Variants in TTLL11 observed in about 807,000 individuals in gnomAD.
TTLL11 encodes tubulin polyglutamylase TTLL11.
Under a neutral mutation model 51.7 loss-of-function variants are expected in TTLL11, and 42 were observed. The ratio of observed to expected loss-of-function variants is 0.81; its 90% CI spans 0.64 to 1.05. TTLL11 has a LOEUF of 1.05. Ranked by LOEUF, TTLL11 falls within the 50% of genes least tolerant of loss-of-function variation. The pLI, the probability that TTLL11 is intolerant of heterozygous loss-of-function variation, is 0.00. For synonymous variants in TTLL11, 381 were observed against 383.5 expected (o/e 0.99, Z 0.08); for missense variants, 799 against 940.4 (o/e 0.85, Z 1.97).
chr9:121,935,016 G>T (rs1211351757), intron 6 of TTLL11, among the ~76,000 whole-genome samples: 1 of 152,018 alleles, frequency 6.6e-6, no homozygotes, highest in Non-Finnish European at 1.5e-5. Flanking sequence ...GTGCAATGGC[G>T]CAATCTCGGC....
intron 3 of TTLL11, among the ~76,000 whole-genome samples, chr9:122,022,976 T>C (rs1264401432): frequency 2.6e-5 from 4 of 151,822 alleles, no homozygotes; most frequent in African/African-American, 9.7e-5. Context: ...ATGTATACCA[T>C]AAATTTTAAA....
At position 121,842,252 on chromosome 9, in the gene TTLL11, T is replaced by TC. The variant is rs1386099364; in HGVS notation, c.1840+18084_1840+18085insG. Among the ~76,000 whole-genome samples the TC allele has an allele frequency of 4.7e-4, 62 of 133,218 alleles. No homozygotes were observed. The South Asian group carries it at 0.015, about 32-fold the overall frequency. 87.4% of individuals were successfully genotyped at this position (133,218 alleles called of 152,430 possible). A position where few individuals can be genotyped will look rare whatever the true frequency, so the allele number is the denominator to read the frequency against. ...ATGATCTTTAGGGCTCCCTCTCCTTTTTTTTAAAAAAAAAAGACACGTGGT... is the reference window on the plus strand; with the variant it reads ...ATGATCTTTAGGGCTCCCTCTCCTTTCTTTTTAAAAAAAAAAGACACGTGGT... On this transcript the variant is annotated intron_variant, in intron 8 of 8. Transcript: ENST00000321582.
chr9:122,077,663 T>C (rs1845895752), intron 1 of TTLL11, among the ~76,000 whole-genome samples: 1 of 151,922 alleles, frequency 6.6e-6, no homozygotes, highest in South Asian at 2.1e-4. Context: ...ATATGTAAAA[T>C]ATTGGACAAA....
At chr9:121,981,832 C>T (rs1407421515) in intron 4 of TTLL11, among the ~76,000 whole-genome samples, 1 of 152,222 alleles carries the variant, frequency 6.6e-6, no homozygotes, top group African/African-American at 2.4e-5. Flanking sequence ...CCATTGCATG[C>T]TCCCAGCCAT....
At chr9:121,899,365 G>GTGTATATATATACACATA (rs1226221957) in intron 6 of TTLL11, among the ~76,000 whole-genome samples, 1 of 113,242 alleles carries the variant, frequency 8.8e-6, no homozygotes, top group South Asian at 3.4e-4. Context: ...ATGTGTGTGT[G>GTGTATATATATACACATA]TATATATATA....
chr9:121,822,889 A>G lies in TTLL11; in HGVS notation c.1841-10T>C. On this transcript the variant is annotated splice_polypyrimidine_tract_variant and intron_variant, in intron 8 of 8. Coordinates refer to ENST00000321582, the MANE Select transcript of TTLL11 (RefSeq NM_001139442.2). The surrounding 1 kb of genome is among the most constrained non-coding windows in gnomAD (Gnocchi z 5.8). ...GCCTGCAGACACATCCCTGTGAACA[A>G]AGAGACTGGATGAGGGGGTGCACAC... 1 of 1,544,612 alleles carries G rather than the reference A, an allele frequency of 6.5e-7. No homozygotes were observed. Among genetic ancestry groups the G allele is most frequent in the Non-Finnish European group, 8.7e-7 (1 of 1,143,512 alleles).
intron 1 of TTLL11, among the ~76,000 whole-genome samples, chr9:122,056,988 G>A (rs1321386239): frequency 1.3e-5 from 2 of 152,218 alleles, no homozygotes; most frequent in Non-Finnish European, 2.9e-5. Context: ...CTTCACAGAG[G>A]AATCATAGAG....
rs772653986 is a variant in TTLL11, at chr9:121,853,810, C to T, written c.1840+6527G>A. Among the ~76,000 whole-genome samples, 12 of 152,210 alleles carry T rather than the reference C, an allele frequency of 7.9e-5. No individual in the cohort carries two copies. The highest frequency in any genetic ancestry group is 1.3e-4 in the Non-Finnish European group (9 of 68,038). On this transcript the variant is annotated intron_variant, in intron 8 of 8. Coordinates refer to ENST00000321582, the MANE Select transcript of TTLL11 (RefSeq NM_001139442.2). This position sits in a 1 kb window ranked among gnomAD's most constrained non-coding sequence, Gnocchi z 5.6. The stretch of plus-strand genomic sequence containing the variant: ...CCACCAAGGGAGAGTCTGTTGCGGC[C>T]ACGTCCTGACCCTCTCATCTGGCTG...
intron 8 of TTLL11, among the ~76,000 whole-genome samples, chr9:121,842,525 C>T (rs549409117): frequency 6.6e-6 from 1 of 152,176 alleles, no homozygotes; most frequent in Non-Finnish European, 1.5e-5. Flanking sequence ...CCTGCCTTGG[C>T]CTCCCAAAGT....
intron 6 of TTLL11, among the ~76,000 whole-genome samples, chr9:121,960,752 T>G (rs1006944405): frequency 6.6e-6 from 1 of 151,926 alleles, no homozygotes. Context: ...AAGAAAATGA[T>G]CCTCTCTAAG....
At chr9:122,025,471 A>G (rs1010102418) in intron 3 of TTLL11, among the ~76,000 whole-genome samples, 4 of 152,198 alleles carry the variant, frequency 2.6e-5, no homozygotes, top group Non-Finnish European at 5.9e-5. Flanking sequence ...TGTTTTTACA[A>G]AAAATACAAA....
chr9:121,862,320 CT>C (rs761588320), intron 7 of TTLL11, among the ~76,000 whole-genome samples: 1 of 152,100 alleles, frequency 6.6e-6, no homozygotes, highest in African/African-American at 2.4e-5. Context: ...TTACTTAAAC[CT>C]TCTGTGCTTT....
rs903469993 is a variant in TTLL11, at chr9:121,853,165, G to C, written c.1840+7172C>G. ...TGAGGCTCAGACACCCATGGGATTG[G>C]TGGGTTGCCGCGGCTGAGCCCTGGT... On this transcript the variant is annotated intron_variant, in intron 8 of 8. Coordinates refer to ENST00000321582, the MANE Select transcript of TTLL11 (RefSeq NM_001139442.2). This position sits in a 1 kb window ranked among gnomAD's most constrained non-coding sequence, Gnocchi z 5.6. 6.6e-6 allele frequency among the ~76,000 whole-genome samples: 1 copy of C among 152,228 alleles called. No homozygotes were observed. Among genetic ancestry groups the C allele is most frequent in the Non-Finnish European group, 1.5e-5 (1 of 68,040 alleles).
At chr9:121,889,289 G>A (rs995791753) in intron 6 of TTLL11, among the ~76,000 whole-genome samples, 7 of 152,192 alleles carry the variant, frequency 4.6e-5, no homozygotes, top group Admixed American at 2.0e-4. Context: ...GGAGGTGCAC[G>A]AGGAGCTCTG....
At chr9:121,847,303 T>C (rs1376159358) in intron 8 of TTLL11, among the ~76,000 whole-genome samples, 2 of 151,478 alleles carry the variant, frequency 1.3e-5, no homozygotes, top group Non-Finnish European at 2.9e-5. Flanking sequence ...AAGCTGGTTC[T>C]TTGAAAAGCC....
At chr9:122,026,655 C>G (rs376443092) in intron 3 of TTLL11, among the ~76,000 whole-genome samples, 55 of 152,114 alleles carry the variant, frequency 3.6e-4, no homozygotes, top group African/African-American at 1.3e-3. Flanking sequence ...TATAAGACAA[C>G]TAGGCTCTCT....
chr9:121,860,602 C>G (rs903673375), intron 7 of TTLL11, among the ~76,000 whole-genome samples, 159 bp from the exon 8 acceptor site: 12 of 152,204 alleles, frequency 7.9e-5, no homozygotes, highest in Non-Finnish European at 1.6e-4. Flanking sequence ...GGGCCTCTGA[C>G]AGGTGATTAG....
In TTLL11 at chr9:122,009,472, CATAA is replaced by C. The variant is rs532993499; in HGVS notation, c.694-19706_694-19703del. Among the ~76,000 whole-genome samples the C allele has an allele frequency of 3.7e-3, 556 of 151,792 alleles. 7 individuals carry two copies. Among genetic ancestry groups the C allele is most frequent in the African/African-American group, 0.011 (439 of 41,476 alleles). On this transcript the variant is annotated intron_variant, in intron 3 of 8. Transcript: ENST00000321582. Reference sequence around the variant, plus strand: ...TGAAAATCTAATAAAATGAATGATGCATAAATATTTACCTGTACATTACTTATTG... The same window carrying C: ...TGAAAATCTAATAAAATGAATGATGCATATTTACCTGTACATTACTTATTG...
chr9:121,990,514 T>G (rs1017473269), intron 3 of TTLL11, among the ~76,000 whole-genome samples: 2 of 152,206 alleles, frequency 1.3e-5, no homozygotes, highest in African/African-American at 4.8e-5. Context: ...GATTGGAATC[T>G]AGATTGATGA....
Sources: allele counts gnomAD v4.1 joint callset (sites outside exome capture counted in the v4.1 genomes callset), GRCh38; gene constraint gnomAD v4.1.1; non-coding constraint Gnocchi (gnomAD v3.1); transcripts MANE v1.5; gene names NCBI Gene and HGNC (gene_info 2026-07-23, HGNC 2026-07-21).